Variants in FOXP1 observed in about 807,000 individuals in gnomAD.
The protein encoded by FOXP1 is forkhead box protein P1.
A neutral mutation model predicts 98.2 loss-of-function variants in FOXP1; 15 were observed. That is an observed-to-expected ratio of 0.15 (90% CI 0.10 to 0.24). FOXP1 has a LOEUF of 0.24. FOXP1 is among the 10% of genes least tolerant of loss of function. The pLI is 1.00. For missense variants in FOXP1, 633 were observed against 848.5 expected (o/e 0.75, Z 3.15); for synonymous variants, 371 against 314.5 (o/e 1.18, Z -1.90).
At chr3:70,990,885 A>C (rs1356393863) in intron 13 of FOXP1, among the ~76,000 whole-genome samples, 1 of 152,184 alleles carries the variant, frequency 6.6e-6, no homozygotes, top group Non-Finnish European at 1.5e-5. Flanking sequence ...ATCCTGGCTC[A>C]GTGACTCAGC....
chr3:71,282,708 G>A (rs1432846690), intron 5 of FOXP1, among the ~76,000 whole-genome samples: 1 of 152,084 alleles, frequency 6.6e-6, no homozygotes, highest in African/African-American at 2.4e-5. Flanking sequence ...ATGGAAACCT[G>A]AACTCCCAAC....
intron 4 of FOXP1, among the ~76,000 whole-genome samples, chr3:71,326,881 A>G (rs1157940959): frequency 6.6e-6 from 1 of 152,154 alleles, no homozygotes; most frequent in African/African-American, 2.4e-5. Flanking sequence ...TGAGACAATA[A>G]TCCAAACTAT....
At chr3:71,478,441 A>G (rs1379303320) in intron 3 of FOXP1, among the ~76,000 whole-genome samples, 1 of 152,214 alleles carries the variant, frequency 6.6e-6, no homozygotes, top group Non-Finnish European at 1.5e-5. Context: ...AATGGGTACA[A>G]CTATGAGTAA....
At chr3:71,388,477 G>A (rs1401332374) in intron 3 of FOXP1, among the ~76,000 whole-genome samples, 1 of 150,598 alleles carries the variant, frequency 6.6e-6, no homozygotes, top group East Asian at 1.9e-4. Flanking sequence ...ATCAACATCA[G>A]AAAACATAAG....
intron 3 of FOXP1, among the ~76,000 whole-genome samples, chr3:71,368,280 G>C (rs2079058668): frequency 6.6e-6 from 1 of 151,864 alleles, no homozygotes; most frequent in Non-Finnish European, 1.5e-5. Context: ...CGTGTGCCAC[G>C]ACACCTGGCT....
At position 71,047,081 on chromosome 3, in the gene FOXP1, A is replaced by G. The variant is rs753620823; in HGVS notation, c.525T>C (p.Ala175=). The G allele has an allele frequency of 6.2e-7, 1 of 1,614,096 alleles. No homozygotes were observed. The highest frequency in any genetic ancestry group is 1.7e-5 in the Admixed American group (1 of 60,026). Residue 175 remains alanine, a synonymous_variant, in exon 10 of 21, where the codon GCT becomes GCC. Transcript: ENST00000649528. ...GCTGCTGAAAAGCCAACTGCTGGGT[A>G]GCCACCTGCTGTTGCTGTAAGAAAT... ...GKQPKEQQQV[A]TQQLAFQQQL...
At position 70,961,004 on chromosome 3, in the gene FOXP1, G is replaced by A. The variant is rs181592310; in HGVS notation, c.1890-1613C>T. Among the ~76,000 whole-genome samples the A allele has an allele frequency of 4.2e-3, 640 of 151,808 alleles. 2 individuals are homozygous for A. Among genetic ancestry groups the A allele is most frequent in the Non-Finnish European group, 7.0e-3 (475 of 67,946 alleles). On this transcript the variant is annotated intron_variant, in intron 20 of 20. Coordinates refer to ENST00000649528, the MANE Select transcript of FOXP1 (RefSeq NM_001349338.3). ...ACTATAGGCACCTGCCACCGCGCCC[G>A]GCTAAATTTTTTTGTATTTTTAGTA...
At chr3:71,256,744 T>C (rs2068659040) in intron 5 of FOXP1, among the ~76,000 whole-genome samples, 1 of 152,166 alleles carries the variant, frequency 6.6e-6, no homozygotes, top group African/African-American at 2.4e-5. Flanking sequence ...GCTGGGACTC[T>C]TAGTCAAGAT....
At chr3:71,080,219 T>C (rs1408918483) in intron 7 of FOXP1, among the ~76,000 whole-genome samples, 1 of 152,206 alleles carries the variant, frequency 6.6e-6, no homozygotes, top group African/African-American at 2.4e-5. Flanking sequence ...CAAAAGTGTC[T>C]AAACAGGTCA....
chr3:71,165,935 G>A (rs2061378490), intron 6 of FOXP1, among the ~76,000 whole-genome samples: 1 of 152,198 alleles, frequency 6.6e-6, no homozygotes, highest in African/African-American at 2.4e-5. Flanking sequence ...TTGAGCAACT[G>A]AACTCAATCT....
intron 5 of FOXP1, among the ~76,000 whole-genome samples, chr3:71,258,527 AG>A (rs962548898): frequency 1.2e-4 from 18 of 152,318 alleles, no homozygotes; most frequent in African/African-American, 4.3e-4. Context: ...GCTAGGCTGG[AG>A]GAACTTCTAG....
At chr3:71,530,437 T>C (rs1270417312) in intron 2 of FOXP1, among the ~76,000 whole-genome samples, 2 of 152,202 alleles carry the variant, frequency 1.3e-5, no homozygotes, top group Admixed American at 6.5e-5. Flanking sequence ...TAAATTTCTT[T>C]CCTTTATTAA....
At chr3:71,487,180 T>C (rs1399601773) in intron 3 of FOXP1, among the ~76,000 whole-genome samples, 6 of 151,920 alleles carry the variant, frequency 3.9e-5, no homozygotes, top group Non-Finnish European at 1.5e-5. Flanking sequence ...ACTACAAAAC[T>C]ATAATATTTC....
chr3:71,327,512 C>T (rs368415311), intron 4 of FOXP1, among the ~76,000 whole-genome samples: 1 of 148,964 alleles, frequency 6.7e-6, no homozygotes, highest in African/African-American at 2.5e-5. Flanking sequence ...CTTAGCCTCC[C>T]GAGTAGCTGG....
intron 4 of FOXP1, among the ~76,000 whole-genome samples, chr3:71,322,709 T>C (rs1445679284): frequency 6.6e-6 from 1 of 152,080 alleles, no homozygotes; most frequent in Non-Finnish European, 1.5e-5. Flanking sequence ...CAGAGAAGTC[T>C]GGAGAAATTA....
chr3:71,305,326 C>A (rs562544658), intron 4 of FOXP1, among the ~76,000 whole-genome samples: 12 of 152,308 alleles, frequency 7.9e-5, no homozygotes, highest in African/African-American at 2.9e-4. Context: ...AAGAGGCTGT[C>A]ATTTTCCCCC....
chr3:71,089,485 T>C (rs1219556719), intron 7 of FOXP1, among the ~76,000 whole-genome samples: 1 of 152,096 alleles, frequency 6.6e-6, no homozygotes, highest in Non-Finnish European at 1.5e-5. Context: ...ACAGAAAGTG[T>C]GTAAAAGAAT....
intron 18 of FOXP1, chr3:70,971,135 C>G (rs1413929334): frequency 2.2e-5 from 8 of 359,370 alleles, no homozygotes; most frequent in Admixed American, 2.0e-4. Flanking sequence ...AGGCAGCAGC[C>G]TAGGAGGTCG....
intron 3 of FOXP1, among the ~76,000 whole-genome samples, chr3:71,472,343 C>T (rs7617596): frequency 0.71 from 107,353 of 152,000 alleles, 39,834 homozygotes; most frequent in Non-Finnish European, 0.8. Flanking sequence ...AAACACTCGA[C>T]ACAAACCATA....
Sources: gnomAD v4.1 joint callset for allele counts (sites outside exome capture counted in the v4.1 genomes callset) on GRCh38, gnomAD v4.1.1 for gene constraint, MANE v1.5 for transcripts, NCBI Gene and HGNC (gene_info 2026-07-23, HGNC 2026-07-21) for gene names.